The following SORBS2 variants were observed in gnomAD, a reference collection of about 807,000 sequenced individuals.
SORBS2 encodes the protein sorbin and SH3 domain-containing protein 2.
SORBS2 carries 46 observed loss-of-function variants against 97.7 expected under a neutral mutation model. That is an observed-to-expected ratio of 0.47 (90% confidence interval 0.37 to 0.60). The LOEUF is 0.60. SORBS2 is among the 20% of genes least tolerant of loss of function. The pLI, the probability that SORBS2 is intolerant of heterozygous loss-of-function variation, is 0.00. For synonymous variants in SORBS2, 476 were observed against 473.4 expected, an observed-to-expected ratio of 1.01 and a Z score of -0.07; for missense variants, 1,316 against 1,282.3, an observed-to-expected ratio of 1.03 and a Z score of -0.40.
intron 1 of SORBS2, among the ~76,000 whole-genome samples, chr4:185,897,979 G>A (rs1256905881): frequency 6.6e-6 from 1 of 152,224 alleles, no homozygotes; most frequent in Non-Finnish European, 1.5e-5. Context: ...AAAGGTTGCA[G>A]TGAGCCAAGA....
chr4:185,725,529 C>T (rs1186983337), intron 2 of SORBS2, among the ~76,000 whole-genome samples: 4 of 152,164 alleles, frequency 2.6e-5, no homozygotes, highest in Admixed American at 1.3e-4. Flanking sequence ...TTGGGAGTAA[C>T]GACTTTGTGT....
intron 2 of SORBS2, 132 bp from the exon 11 acceptor site, chr4:185,651,960 T>C: frequency 3.2e-6 from 2 of 631,734 alleles, no homozygotes; most frequent in Non-Finnish European, 5.6e-6. Flanking sequence ...AATGCCATTT[T>C]CTTTCTTTTT....
intron 4 of SORBS2, among the ~76,000 whole-genome samples, chr4:185,670,340 G>C (rs1219943975): frequency 6.6e-6 from 1 of 152,066 alleles, no homozygotes; most frequent in Admixed American, 6.5e-5. Context: ...AAACATTCTA[G>C]GAAAAAGCTC....
At chr4:185,842,388 G>T (rs1335844452) in intron 1 of SORBS2, among the ~76,000 whole-genome samples, 2 of 152,198 alleles carry the variant, frequency 1.3e-5, no homozygotes, top group Non-Finnish European at 2.9e-5. Flanking sequence ...CAGAAGATGA[G>T]ACCTGAGAGT....
At chr4:185,758,825 T>A (rs1388940781) in intron 2 of SORBS2, among the ~76,000 whole-genome samples, 1 of 152,234 alleles carries the variant, frequency 6.6e-6, no homozygotes, top group Non-Finnish European at 1.5e-5. Flanking sequence ...TGCCCCCAGA[T>A]GGGTAACCCT....
chr4:185,858,714 A>C (rs552789479), intron 1 of SORBS2, among the ~76,000 whole-genome samples: 54 of 152,372 alleles, frequency 3.5e-4, no homozygotes, highest in African/African-American at 1.2e-3. Context: ...ACTTTTAAAC[A>C]TAAAACTGAA....
chr4:185,669,189 G>A (rs2097669206), intron 4 of SORBS2, among the ~76,000 whole-genome samples: 1 of 152,206 alleles, frequency 6.6e-6, no homozygotes, highest in East Asian at 1.9e-4. Context: ...TATTGAGTTG[G>A]ATGAAGGCAT....
intron 1 of SORBS2, among the ~76,000 whole-genome samples, chr4:185,806,618 C>T (rs534283129): frequency 3.3e-5 from 5 of 151,492 alleles, no homozygotes; most frequent in Admixed American, 1.3e-4. Context: ...CCACTACGCC[C>T]GGCTAATTTT....
intron 2 of SORBS2, among the ~76,000 whole-genome samples, chr4:185,756,359 A>G (rs1398859965): frequency 6.7e-6 from 1 of 150,060 alleles, no homozygotes; most frequent in African/African-American, 2.4e-5. Flanking sequence ...TACATTTTCC[A>G]AACACGAAGG....
chr4:185,602,080 G>A lies in SORBS2; in HGVS notation c.2797-8145C>T, dbSNP rs1455419534. On this transcript the variant is annotated intron_variant, in intron 12 of 14. Transcript: ENST00000418609. ...GGCTGGAGTGCAGTGGCACGGTCTCGGCTCACTGCAACCTCTGCCTCCCGG... is the reference window on the plus strand; with the variant it reads ...GGCTGGAGTGCAGTGGCACGGTCTCAGCTCACTGCAACCTCTGCCTCCCGG... Among the ~76,000 whole-genome samples, 9 of 151,756 alleles carry A rather than the reference G, an allele frequency of 5.9e-5. No individual in the cohort carries two copies. In the East Asian group the frequency reaches 1.5e-3, roughly 26 times the overall value.
chr4:185,786,531 A>T (rs1191036486), intron 1 of SORBS2, among the ~76,000 whole-genome samples: 3 of 152,234 alleles, frequency 2.0e-5, no homozygotes, highest in Non-Finnish European at 4.4e-5. Flanking sequence ...CTATCACAGC[A>T]GTGATTACAT....
intron 1 of SORBS2, among the ~76,000 whole-genome samples, chr4:185,874,753 T>C (rs997576999): frequency 1.4e-5 from 2 of 142,322 alleles, no homozygotes; most frequent in African/African-American, 5.0e-5. Context: ...TTCCATTAGT[T>C]GTCCTTGGCT....
In SORBS2 at chr4:185,840,861, TATC is replaced by T. The variant is rs533363109; in HGVS notation, c.-337-65498_-337-65496del. On this transcript the variant is annotated intron_variant, in intron 1 of 20. Coordinates refer to the SORBS2 transcript ENST00000284776. ...GGAGGCAGACCCATAGACTGACTCA[TATC>T]ATCAGAACAGAATCACCAAGGAGAG... is the stretch of plus-strand genomic sequence containing the variant. Among the ~76,000 whole-genome samples the T allele has an allele frequency of 2.0e-5, 3 of 152,134 alleles. No homozygotes were observed. In the East Asian group the frequency reaches 5.8e-4, roughly 29 times the overall value.
intron 2 of SORBS2, among the ~76,000 whole-genome samples, chr4:185,687,983 G>A (rs1219161103): frequency 6.6e-6 from 1 of 152,110 alleles, no homozygotes; most frequent in East Asian, 1.9e-4. Context: ...GCCTTGCTAG[G>A]CTACTCTTCC....
At chr4:185,900,978 A>T (rs538274640) in intron 1 of SORBS2, among the ~76,000 whole-genome samples, 1 of 152,256 alleles carries the variant, frequency 6.6e-6, no homozygotes, top group East Asian at 1.9e-4. Context: ...CATTTTGCAC[A>T]TATCTAACAT....
At chr4:185,914,254 T>C (rs975018454) in intron 1 of SORBS2, among the ~76,000 whole-genome samples, 1 of 152,166 alleles carries the variant, frequency 6.6e-6, no homozygotes, top group Non-Finnish European at 1.5e-5. Flanking sequence ...TAGAAATAAG[T>C]ATATTTTCTC....
intron 1 of SORBS2, among the ~76,000 whole-genome samples, chr4:185,859,551 C>A (rs957980504): frequency 6.6e-6 from 1 of 152,180 alleles, no homozygotes; most frequent in African/African-American, 2.4e-5. Context: ...CTGACTCCCT[C>A]ATTCTCATGG....
chr4:185,787,346 C>T (rs1384788326), intron 1 of SORBS2, among the ~76,000 whole-genome samples: 1 of 152,072 alleles, frequency 6.6e-6, no homozygotes, highest in Non-Finnish European at 1.5e-5. Flanking sequence ...CTGGCGTGGA[C>T]AAACTGAACT....
intron 2 of SORBS2, among the ~76,000 whole-genome samples, chr4:185,742,971 C>T (rs144930891): frequency 4.6e-4 from 70 of 152,268 alleles, no homozygotes; most frequent in Admixed American, 3.9e-3. Context: ...AAGAGCCCCG[C>T]GGGCACAGCG....
Sources: allele counts gnomAD v4.1 joint callset (sites outside exome capture counted in the v4.1 genomes callset), GRCh38; gene constraint gnomAD v4.1.1; transcripts MANE v1.5; gene names NCBI Gene and HGNC (gene_info 2026-07-23, HGNC 2026-07-21).